The following OTUD7B variants were observed in gnomAD, a reference collection of about 807,000 sequenced individuals.
OTUD7B encodes the protein OTU domain-containing protein 7B.
In OTUD7B, 34 loss-of-function variants were observed where a neutral mutation model predicts 82.2. The ratio of observed to expected loss-of-function variants is 0.41; its 90% CI spans 0.31 to 0.55. The LOEUF is 0.55. Among genes scored for constraint, OTUD7B ranks in the 20% least tolerant of loss-of-function variants. OTUD7B has a pLI of 0.20. For missense variants in OTUD7B, 944 were observed against 1,062.1 expected, an observed-to-expected ratio of 0.89 and a Z score of 1.55; for synonymous variants, 398 against 402.7, an observed-to-expected ratio of 0.99 and a Z score of 0.14.
the OTUD7B span, chr1:150,067,358 G>A: frequency 1.3e-5 from 2 of 153,814 alleles, no homozygotes; most frequent in African/African-American, 2.4e-5. Flanking sequence ...CCGTCTCTCC[G>A]AGTCCCAAGC....
intron 1 of OTUD7B, 49 bp from the exon 2 acceptor site, chr1:149,977,625 A>C: frequency 1.4e-6 from 1 of 732,100 alleles, no homozygotes; most frequent in Non-Finnish European, 2.4e-6. Flanking sequence ...GGAACAGGAT[A>C]ATCACAGTCC....
In OTUD7B at chr1:149,950,977, A is replaced by ATTTTT. The variant is rs1458504169; in HGVS notation, c.846-761_846-757dup. 6.7e-4 allele frequency among the ~76,000 whole-genome samples: 15 copies of ATTTTT among 22,408 alleles called. 4 individuals carry two copies. The highest frequency in any genetic ancestry group is 1.3e-3 in the African/African-American group (6 of 4,688). 14.7% of individuals were successfully genotyped at this position (22,408 alleles called of 152,430 possible). On this transcript the variant is annotated intron_variant, in intron 7 of 11. Transcript: ENST00000581312. ...CGGTCTAATTTTTTGTACTTTTTGT[A>ATTTTT]TTTTTTTTTTTTTTTTTTTTTTGTA...
intron 6 of OTUD7B, chr1:149,962,646 C>T (rs2101804834): frequency 6.6e-6 from 1 of 152,258 alleles, no homozygotes; most frequent in South Asian, 2.1e-4. Context: ...TAATCTAACC[C>T]CATCTTTAGA....
chr1:149,956,092 T>C lies in OTUD7B; in HGVS notation c.845+3592A>G, dbSNP rs186899901. Among the ~76,000 whole-genome samples, 357 of 152,314 alleles carry C rather than the reference T, an allele frequency of 2.3e-3. 7 individuals are homozygous for C. The highest frequency in any genetic ancestry group is 0.012 in the South Asian group (56 of 4,828). ...ATCCTGTCATTATGATGTTAGCTGG[T>C]TATTTTGCTCGTTAGTTGATGCAGT... On this transcript the variant is annotated intron_variant, in intron 7 of 11. Coordinates refer to ENST00000581312, the MANE Select transcript of OTUD7B (RefSeq NM_020205.4).
At chr1:149,951,553 A>T (rs1648255086) in intron 7 of OTUD7B, among the ~76,000 whole-genome samples, 1 of 152,102 alleles carries the variant, frequency 6.6e-6, no homozygotes, top group Admixed American at 6.6e-5. Flanking sequence ...TCAAATACGG[A>T]GGGACAAATT....
Position 149,944,959 on chromosome 1 carries a change from G to A in OTUD7B, c.1430C>T (p.Thr477Ile), listed in dbSNP as rs1647595031. The change falls in exon 12 of 12, where the codon ACC (threonine) becomes ATC (isoleucine). Residue 477 changes from threonine to isoleucine, a missense_variant. Around this residue, in one of 3 missense-constraint regions of OTUD7B, gnomAD observed 530 missense variants for 625.6 expected, o/e 0.85. Transcript: ENST00000581312. Reference protein sequence around the residue: ...SDKESVGSSSTSNEGGRRKEK... With the variant: ...SDKESVGSSSISNEGGRRKEK... ...CTTCCGCCGGCCGCCCTCGTTGCTG[G>A]TGGAACTGCTGCCAACTGACTCCTT... 2 of 1,614,188 alleles carry A rather than the reference G, an allele frequency of 1.2e-6. No homozygotes were observed.
chr1:149,957,124 T>C (rs1648745273), intron 7 of OTUD7B, among the ~76,000 whole-genome samples: 1 of 152,172 alleles, frequency 6.6e-6, no homozygotes. Context: ...CTCTGATTTT[T>C]AGAATTTTCA....
chr1:150,002,972 C>A (rs377096325), intron 1 of OTUD7B, among the ~76,000 whole-genome samples: 1 of 152,144 alleles, frequency 6.6e-6, no homozygotes, highest in Non-Finnish European at 1.5e-5. Context: ...AGCTCCAGGC[C>A]GGGCGTGGTG....
the OTUD7B span, among the ~76,000 whole-genome samples, chr1:150,058,653 CAGG>C: frequency 6.6e-6 from 1 of 152,186 alleles, no homozygotes; most frequent in African/African-American, 2.4e-5. Context: ...GATGAATCCC[CAGG>C]AGATTTGTAC....
At chr1:150,065,639 G>A in the OTUD7B span, among the ~76,000 whole-genome samples, 1 of 152,102 alleles carries the variant, frequency 6.6e-6, no homozygotes, top group Non-Finnish European at 1.5e-5. Flanking sequence ...ACAAGTAACT[G>A]GGTTTATCCT....
intron 1 of OTUD7B, among the ~76,000 whole-genome samples, chr1:150,009,926 G>A (rs1652919059): frequency 6.6e-6 from 1 of 150,970 alleles, no homozygotes; most frequent in Non-Finnish European, 1.5e-5. Flanking sequence ...GTCAACCTCC[G>A]TCTCTCTCCC....
upstream of OTUD7B, among the ~76,000 whole-genome samples, chr1:150,014,084 G>GTGTGTATATATATATATA (rs1336267152): frequency 2.0e-4 from 6 of 30,388 alleles, no homozygotes; most frequent in African/African-American, 5.0e-4. Context: ...GTGTGTGTGT[G>GTGTGTATATATATATATA]TATATATATA....
chr1:149,977,380 C>A (rs782503490), intron 2 of OTUD7B, 46 bp downstream of exon 2: 2 of 1,341,738 alleles, frequency 1.5e-6, no homozygotes, highest in Non-Finnish European at 2.1e-6. Context: ...ATGATAAATA[C>A]CACATTTTAC....
chr1:149,983,135 G>C (rs1326554232), intron 1 of OTUD7B, among the ~76,000 whole-genome samples: 2 of 152,136 alleles, frequency 1.3e-5, no homozygotes, highest in African/African-American at 4.8e-5. Context: ...GATTACAGGC[G>C]TGAGCCACTG....
At chr1:150,006,274 G>A (rs1178859653) in intron 1 of OTUD7B, among the ~76,000 whole-genome samples, 7 of 152,106 alleles carry the variant, frequency 4.6e-5, no homozygotes, top group African/African-American at 1.2e-4. Flanking sequence ...TGGCTAACAC[G>A]GTGAAACCCC....
chr1:149,992,475 T>TTTTG (rs1411630848), intron 1 of OTUD7B, among the ~76,000 whole-genome samples: 2 of 1,562 alleles, frequency 1.3e-3, no homozygotes, highest in Non-Finnish European at 0.022. Flanking sequence ...GTGTTTTTTT[T>TTTTG]TTTTTTTTTT....
the OTUD7B span, among the ~76,000 whole-genome samples, chr1:150,060,283 C>A: frequency 6.6e-6 from 1 of 152,068 alleles, no homozygotes; most frequent in Non-Finnish European, 1.5e-5. Flanking sequence ...TATGGGATTG[C>A]ATTTGGAGAA....
At chr1:150,018,470 C>T in the OTUD7B span, among the ~76,000 whole-genome samples, 3 of 152,280 alleles carry the variant, frequency 2.0e-5, no homozygotes, top group South Asian at 6.2e-4. Flanking sequence ...TCTCCTCTTA[C>T]TTGCCAATAT....
At chr1:149,948,921 G>C in intron 10 of OTUD7B, 48 bp downstream of exon 10, 1 of 1,242,430 alleles carries the variant, frequency 8.0e-7, no homozygotes, top group South Asian at 1.2e-5. Flanking sequence ...TGCCACATGT[G>C]GAAGAAATCC....
Sources: allele counts gnomAD v4.1 joint callset (sites outside exome capture counted in the v4.1 genomes callset), GRCh38; gene constraint gnomAD v4.1.1; regional missense constraint gnomAD v4.1.1; transcripts MANE v1.5; gene names NCBI Gene and HGNC (gene_info 2026-07-23, HGNC 2026-07-21).